Variants in SUPT3H observed in about 807,000 individuals in gnomAD.
The protein encoded by SUPT3H is SPT3 homolog, SAGA and STAGA complex component, also known as transcription initiation protein SPT3 homolog.
A neutral mutation model predicts 44.3 loss-of-function variants in SUPT3H; 44 were observed. The observed-to-expected ratio is 0.99, with a 90% CI of 0.78 to 1.28. The LOEUF (loss-of-function observed/expected upper bound fraction) is 1.28, where lower values mean the gene tolerates loss of function less well. SUPT3H is among the 50% of genes most tolerant of loss of function. The pLI is 0.00. For synonymous variants in SUPT3H, 124 were observed against 125.6 expected, an observed-to-expected ratio of 0.99 and a Z score of 0.09; for missense variants, 380 against 387.1, an observed-to-expected ratio of 0.98 and a Z score of 0.15.
At chr6:45,142,441 A>C (rs757947573) in intron 2 of SUPT3H, among the ~76,000 whole-genome samples, 3 of 152,132 alleles carry the variant, frequency 2.0e-5, no homozygotes, top group Non-Finnish European at 2.9e-5. Flanking sequence ...TGCTCCACTT[A>C]AAATATGCAG....
intron 3 of SUPT3H, among the ~76,000 whole-genome samples, chr6:45,097,183 T>A (rs1466586787): frequency 6.6e-6 from 1 of 152,206 alleles, no homozygotes; most frequent in African/African-American, 2.4e-5. Flanking sequence ...GGGGTAGGGA[T>A]CTCAGAGCCC....
chr6:45,137,014 A>T (rs190496559), intron 2 of SUPT3H, among the ~76,000 whole-genome samples: 110 of 152,232 alleles, frequency 7.2e-4, no homozygotes, highest in Non-Finnish European at 2.1e-4. Flanking sequence ...AAGATAAGTG[A>T]CTCATTCCAT....
intron 3 of SUPT3H, among the ~76,000 whole-genome samples, chr6:45,070,739 CAAAAAA>C (rs11393241): frequency 8.7e-5 from 9 of 102,860 alleles, no homozygotes; most frequent in Middle Eastern, 7.6e-3. Flanking sequence ...CTGTCTCAAA[CAAAAAA>C]AAAAAAAAAA....
intron 10 of SUPT3H, among the ~76,000 whole-genome samples, chr6:44,877,711 A>C (rs757590986): frequency 3.3e-5 from 5 of 152,064 alleles, no homozygotes; most frequent in Non-Finnish European, 5.9e-5. Context: ...TCTCATGCAA[A>C]CCTCTCCTGC....
chr6:44,973,581 CA>C (rs1207513334), intron 6 of SUPT3H, among the ~76,000 whole-genome samples: 1 of 152,166 alleles, frequency 6.6e-6, no homozygotes, highest in African/African-American at 2.4e-5. Context: ...GGCCTGTTAC[CA>C]ACTTCCAAAG....
At chr6:44,940,474 G>A (rs985895696) in intron 9 of SUPT3H, among the ~76,000 whole-genome samples, 1 of 152,074 alleles carries the variant, frequency 6.6e-6, no homozygotes, top group Non-Finnish European at 1.5e-5. Flanking sequence ...CTTGGCAAAT[G>A]TTCCATGTGC....
intron 2 of SUPT3H, among the ~76,000 whole-genome samples, chr6:45,284,272 A>G (rs1278426022): frequency 6.6e-6 from 1 of 152,096 alleles, no homozygotes; most frequent in East Asian, 1.9e-4. Context: ...ATAGAAACAC[A>G]AAAAACCCTT....
intron 2 of SUPT3H, among the ~76,000 whole-genome samples, chr6:45,181,677 G>A (rs1298923999): frequency 3.5e-5 from 5 of 144,164 alleles, no homozygotes; most frequent in African/African-American, 5.1e-5. Context: ...GAGAACACAT[G>A]GACACAGGAA....
At chr6:45,281,901 A>G (rs1267556454) in intron 2 of SUPT3H, among the ~76,000 whole-genome samples, 3 of 152,176 alleles carry the variant, frequency 2.0e-5, no homozygotes, top group Non-Finnish European at 2.9e-5. Context: ...TTCCAGAGGA[A>G]CGATCAGGCA....
intron 3 of SUPT3H, among the ~76,000 whole-genome samples, chr6:45,085,001 T>G (rs1254045466): frequency 6.6e-6 from 1 of 152,062 alleles, no homozygotes; most frequent in Non-Finnish European, 1.5e-5. Context: ...TAAAACTACC[T>G]GTTGGGTCCT....
At chr6:44,938,230 C>T (rs1333020108) in intron 9 of SUPT3H, among the ~76,000 whole-genome samples, 1 of 151,804 alleles carries the variant, frequency 6.6e-6, no homozygotes, top group Non-Finnish European at 1.5e-5. Flanking sequence ...AGTCTTTATT[C>T]CATCTTGAGT....
chr6:45,367,018 A>G (rs1307120370), intron 1 of SUPT3H, among the ~76,000 whole-genome samples: 2 of 152,216 alleles, frequency 1.3e-5, no homozygotes, highest in Non-Finnish European at 2.9e-5. Context: ...TCACTTACCA[A>G]GGGCTGAGAT....
chr6:45,036,614 G>GA (rs1198290384), intron 3 of SUPT3H, among the ~76,000 whole-genome samples: 2 of 151,828 alleles, frequency 1.3e-5, no homozygotes, highest in African/African-American at 2.4e-5. Flanking sequence ...AGAAAATAAT[G>GA]AAAAAATGCC....
At position 45,306,326 on chromosome 6, in the gene SUPT3H, C is replaced by T. The variant is rs186106467; in HGVS notation, c.101+58875G>A. On this transcript the variant is annotated intron_variant, in intron 2 of 10. Transcript: ENST00000371459. ...CTTAGCAGCCATTGTCACCAAAGAC[C>T]CCAACAACCCTTGCTGCCACCACAG... is the stretch of plus-strand genomic sequence containing the variant. 7.2e-5 allele frequency among the ~76,000 whole-genome samples: 11 copies of T among 152,274 alleles called. No individual in the cohort carries two copies. The East Asian group carries it at 1.9e-3, about 27-fold the overall frequency.
chr6:45,353,488 T>C (rs1204172270), intron 2 of SUPT3H, among the ~76,000 whole-genome samples: 1 of 152,062 alleles, frequency 6.6e-6, no homozygotes, highest in Admixed American at 6.6e-5. Flanking sequence ...TAAAATAATT[T>C]ATTATCTGAT....
intron 2 of SUPT3H, among the ~76,000 whole-genome samples, chr6:45,240,812 C>T (rs1584447039): frequency 6.6e-6 from 1 of 152,132 alleles, no homozygotes; most frequent in Non-Finnish European, 1.5e-5. Context: ...GATGATATGC[C>T]TGCTGTAGGA....
At chr6:44,824,190 G>C (rs185808053), downstream of SUPT3H, among the ~76,000 whole-genome samples, 13 of 152,314 alleles carry the variant, frequency 8.5e-5, no homozygotes, top group East Asian at 1.9e-3. Flanking sequence ...TTCCTTACAG[G>C]CCAAACCTAT....
chr6:45,201,731 G>A (rs956304152), intron 2 of SUPT3H, among the ~76,000 whole-genome samples: 1 of 151,790 alleles, frequency 6.6e-6, no homozygotes, highest in Non-Finnish European at 1.5e-5. Flanking sequence ...AGTCATGGAC[G>A]CCACTGTAAT....
intron 2 of SUPT3H, among the ~76,000 whole-genome samples, chr6:45,241,141 C>A (rs748062834): frequency 6.6e-6 from 1 of 152,134 alleles, no homozygotes; most frequent in Admixed American, 6.5e-5. Context: ...AGTAGCTCAC[C>A]GTGACAAAGC....
Sources: gnomAD v4.1 joint callset for allele counts (sites outside exome capture counted in the v4.1 genomes callset) on GRCh38, gnomAD v4.1.1 for gene constraint, MANE v1.5 for transcripts, NCBI Gene and HGNC (gene_info 2026-07-23, HGNC 2026-07-21) for gene names.